FSCN1: variants seen among roughly 807,000 people sequenced by gnomAD.
FSCN1 encodes the protein fascin actin-bundling protein 1.
FSCN1 carries 10 observed loss-of-function variants against 39.7 expected under a neutral mutation model. The ratio of observed to expected loss-of-function variants is 0.25; its 90% CI spans 0.16 to 0.43. FSCN1 has a LOEUF of 0.43. Among genes scored for constraint, FSCN1 ranks in the 20% least tolerant of loss-of-function variants. FSCN1 has a pLI of 1.00. For synonymous variants in FSCN1, 322 were observed against 320.0 expected, an observed-to-expected ratio of 1.01 and a Z score of -0.07; for missense variants, 525 against 723.8, an observed-to-expected ratio of 0.73 and a Z score of 3.15.
At chr7:5,604,973 T>C (rs1785906471) in intron 4 of FSCN1, among the ~76,000 whole-genome samples, 1 of 151,408 alleles carries the variant, frequency 6.6e-6, no homozygotes, top group African/African-American at 2.4e-5. Flanking sequence ...GGAGCTTCAC[T>C]ATGTTGGCAA....
chr7:5,592,940 A>G lies in FSCN1; in HGVS notation c.4A>G (p.Thr2Ala). The change falls in exon 1 of 5, where the codon ACC becomes GCC. Residue 2 changes from threonine to alanine, a missense_variant. By Grantham distance (58) the Thr-to-Ala change is moderately conservative. Coordinates refer to ENST00000382361, the MANE Select transcript of FSCN1 (RefSeq NM_003088.4). This position sits in a 1 kb window ranked among gnomAD's most constrained non-coding sequence, Gnocchi z 5.3. The part of the protein sequence containing the change: M[T>A]ANGTAEAVQI... ...CGGCCTCTCGTCTACTGCCACCATGACCGCCAACGGCACAGCCGAGGCGGT... is the reference window on the plus strand; with the variant it reads ...CGGCCTCTCGTCTACTGCCACCATGGCCGCCAACGGCACAGCCGAGGCGGT... 6.6e-7 allele frequency: 1 copy of G among 1,523,372 alleles called. No homozygotes were observed. Among genetic ancestry groups the G allele is most frequent in the South Asian group, 1.3e-5 (1 of 79,760 alleles). The allele number at this position is 1,523,372 out of a possible 1,614,324, so 94.4% of individuals were successfully genotyped here.
intron 1 of FSCN1, among the ~76,000 whole-genome samples, chr7:5,600,239 C>T (rs746888374): frequency 1.1e-4 from 17 of 151,810 alleles, no homozygotes; most frequent in South Asian, 2.1e-4. Flanking sequence ...TAATGAAACT[C>T]CGTCTCTACT....
rs1402673439 is a variant in FSCN1, at chr7:5,593,545, G to T, written c.609G>T (p.Val203=). 1 of 1,592,722 alleles carries T rather than the reference G, an allele frequency of 6.3e-7. No individual in the cohort carries two copies. The change falls in exon 1 of 5, where the codon GTG becomes GTT. Residue 203 remains valine, a synonymous_variant. Transcript: ENST00000382361. ...TCCTGCGCCACGACGGGCGCCTGGTGGCGCGCCCCGAGCCGGCCACTGGCT... is the reference window on the plus strand; with the variant it reads ...TCCTGCGCCACGACGGGCGCCTGGTTGCGCGCCCCGAGCCGGCCACTGGCT... ...HRFLRHDGRL[V]ARPEPATGYT...
At position 5,605,450 on chromosome 7, in the gene FSCN1, C is replaced by A; in HGVS notation, c.1458C>A (p.Asp486Glu). ...TGAAGGCCTCGGCGGAAACCGTGGA[C>A]CCCGCCTCGCTCTGGGAGTACTAGG... ...GVLKASAETV[D>E]PASLWEY Residue 486 changes from aspartate to glutamate, a missense_variant, in exon 5 of 5, where the codon GAC (aspartate) becomes GAA (glutamate). Transcript: ENST00000382361. The surrounding 1 kb of genome is among the most constrained non-coding windows in gnomAD (Gnocchi z 6.9). 1 of 1,591,072 alleles carries A rather than the reference C, an allele frequency of 6.3e-7. No individual in the cohort carries two copies. Among genetic ancestry groups the A allele is most frequent in the Non-Finnish European group, 8.6e-7 (1 of 1,168,980 alleles).
At position 5,603,839 on chromosome 7, in the gene FSCN1, C is replaced by T; in HGVS notation, c.1112-24C>T. ...ACCCCACTCCCTGCCAGGAGGCTCA[C>T]TGACTCCCCTCTTTCTGGGACAGGG... On this transcript the variant is annotated intron_variant, in intron 3 of 4. Transcript: ENST00000382361. This position sits in a 1 kb window ranked among gnomAD's most constrained non-coding sequence, Gnocchi z 8.5. 6.2e-7 allele frequency: 1 copy of T among 1,606,884 alleles called. No homozygotes were observed. The highest frequency in any genetic ancestry group is 8.5e-7 in the Non-Finnish European group (1 of 1,175,288).
chr7:5,601,486 A>C (rs1428864109), intron 1 of FSCN1, among the ~76,000 whole-genome samples: 5 of 152,002 alleles, frequency 3.3e-5, no homozygotes, highest in African/African-American at 1.2e-4. Flanking sequence ...TACAGGCGTG[A>C]GCCGCCGTGG....
intron 1 of FSCN1, among the ~76,000 whole-genome samples, chr7:5,602,450 C>A (rs190847356): frequency 6.6e-6 from 1 of 152,000 alleles, no homozygotes; most frequent in Non-Finnish European, 1.5e-5. Flanking sequence ...CCCCAAGATG[C>A]GCTGTTCCGC....
chr7:5,600,708 C>T (rs1159941251), intron 1 of FSCN1, among the ~76,000 whole-genome samples: 8 of 149,960 alleles, frequency 5.3e-5, no homozygotes, highest in Non-Finnish European at 5.9e-5. Context: ...GGCTGGAGTG[C>T]AGTGGCGCGA....
At chr7:5,593,919 C>CG (rs1186411994) in intron 1 of FSCN1, 151 bp downstream of exon 1, 12 of 600,242 alleles carry the variant, frequency 2.0e-5, no homozygotes, top group Admixed American at 3.3e-5. Context: ...CGGGCTACCC[C>CG]GCCTGGAGGG....
In FSCN1 at chr7:5,593,041, G is replaced by C; in HGVS notation, c.105G>C (p.Ala35=). 1 of 1,600,272 alleles carries C rather than the reference G, an allele frequency of 6.2e-7. No individual in the cohort carries two copies. Residue 35 remains alanine (A), a synonymous_variant, in exon 1 of 5, where the codon GCG becomes GCC. Transcript: ENST00000382361. ...AGGCGTTCGGGTTCAAGGTGAACGCGTCCGCCAGCAGCCTGAAGAAGAAGC... is the reference window on the plus strand; with the variant it reads ...AGGCGTTCGGGTTCAAGGTGAACGCCTCCGCCAGCAGCCTGAAGAAGAAGC... ...TAEAFGFKVN[A]SASSLKKKQI...
intron 1 of FSCN1, among the ~76,000 whole-genome samples, chr7:5,600,954 C>CT (rs1470228077): frequency 4.0e-5 from 5 of 125,610 alleles, no homozygotes; most frequent in Non-Finnish European, 6.7e-5. Flanking sequence ...TTGCCTGGTC[C>CT]TTTTTTTTGT....
chr7:5,600,876 G>A (rs367950341), intron 1 of FSCN1, among the ~76,000 whole-genome samples: 2 of 150,956 alleles, frequency 1.3e-5, no homozygotes, highest in East Asian at 1.9e-4. Context: ...GGATGATCTC[G>A]ATCTCCTGAC....
Position 5,592,958 on chromosome 7 carries a change from G to A in FSCN1, c.22G>A (p.Glu8Lys). MTANGTA[E>K]AVQIQFGLIN... ...CACCATGACCGCCAACGGCACAGCC[G>A]AGGCGGTGCAGATCCAGTTCGGCCT... Residue 8 changes from glutamate to lysine, a missense_variant, in exon 1 of 5, where the codon GAG becomes AAG. Around this residue, in one of 3 missense-constraint regions of FSCN1, gnomAD observed 246 missense variants for 350.6 expected, o/e 0.70. Transcript: ENST00000382361. This position sits in a 1 kb window ranked among gnomAD's most constrained non-coding sequence, Gnocchi z 5.3. 6.4e-7 allele frequency: 1 copy of A among 1,564,848 alleles called. No homozygotes were observed. Among genetic ancestry groups the A allele is most frequent in the Non-Finnish European group, 8.7e-7 (1 of 1,154,356 alleles).
At chr7:5,600,808 C>T (rs1167050413) in intron 1 of FSCN1, among the ~76,000 whole-genome samples, 2 of 151,038 alleles carry the variant, frequency 1.3e-5, no homozygotes, top group African/African-American at 4.9e-5. Context: ...CGCCCGCCAC[C>T]GTGCCCGGCT....
Position 5,593,173 on chromosome 7 carries a change from C to T in FSCN1, c.237C>T (p.Thr79=). Residue 79 remains threonine, a synonymous_variant, in exon 1 of 5, where the codon ACC becomes ACT. Coordinates refer to ENST00000382361, the MANE Select transcript of FSCN1 (RefSeq NM_003088.4). ...YLAADKDGNV[T]CEREVPGPDC... ...CGGCGGACAAGGACGGCAACGTGAC[C>T]TGCGAGCGCGAGGTGCCCGGTCCCG... The T allele has an allele frequency of 1.9e-6, 3 of 1,603,056 alleles. No homozygotes were observed. The highest frequency in any genetic ancestry group is 2.6e-6 in the Non-Finnish European group (3 of 1,176,046).
chr7:5,596,973 C>G (rs1366100181), intron 1 of FSCN1, among the ~76,000 whole-genome samples: 2 of 152,130 alleles, frequency 1.3e-5, no homozygotes, highest in Non-Finnish European at 2.9e-5. Context: ...ATCTGGGGAC[C>G]GTTAAGGCCT....
intron 1 of FSCN1, among the ~76,000 whole-genome samples, chr7:5,598,229 C>T (rs1220707946): frequency 6.6e-6 from 1 of 152,214 alleles, no homozygotes; most frequent in African/African-American, 2.4e-5. Context: ...GTGCCTGGCC[C>T]CCCGCGGTGG....
intron 1 of FSCN1, among the ~76,000 whole-genome samples, chr7:5,596,493 T>A (rs1584299102): frequency 6.6e-6 from 1 of 152,176 alleles, no homozygotes; most frequent in East Asian, 1.9e-4. Context: ...TGAGTGCTCC[T>A]TTGTCCTCCC....
In FSCN1 at chr7:5,605,521, A is replaced by G. The variant is rs1785918531; in HGVS notation, c.*47A>G. The G allele has an allele frequency of 7.2e-7, 1 of 1,383,240 alleles. No individual in the cohort carries two copies. Among genetic ancestry groups the G allele is most frequent in the Non-Finnish European group, 9.9e-7 (1 of 1,011,808 alleles). 85.7% of individuals were successfully genotyped at this position (1,383,240 alleles called of 1,614,324 possible). On this transcript the variant is annotated 3_prime_UTR_variant, in exon 5 of 5. Coordinates refer to ENST00000382361, the MANE Select transcript of FSCN1 (RefSeq NM_003088.4). This position sits in a 1 kb window ranked among gnomAD's most constrained non-coding sequence, Gnocchi z 6.9. ...CCCTGCCCACATGGCGGCTCCTGCCAACCCTCCCTGCTAACCCCTTCTCCG... is the reference window on the plus strand; with the variant it reads ...CCCTGCCCACATGGCGGCTCCTGCCGACCCTCCCTGCTAACCCCTTCTCCG...
Sources: gnomAD v4.1 joint callset for allele counts (sites outside exome capture counted in the v4.1 genomes callset) on GRCh38, gnomAD v4.1.1 for gene constraint, gnomAD v4.1.1 regional missense constraint, Gnocchi (gnomAD v3.1) non-coding constraint, MANE v1.5 for transcripts, NCBI Gene and HGNC (gene_info 2026-07-23, HGNC 2026-07-21) for gene names.